RPL27A: variants seen among roughly 807,000 people sequenced by gnomAD.
The protein encoded by RPL27A is large ribosomal subunit protein uL15.
For missense variants in RPL27A, 118 were observed against 189.4 expected (o/e 0.62, Z 2.21); for synonymous variants, 69 against 68.3 (o/e 1.01, Z -0.05).
chr11:8,683,421 G>C, intron 2 of RPL27A, 156 bp downstream of exon 2: 1 of 641,532 alleles, frequency 1.6e-6, no homozygotes, highest in Non-Finnish European at 2.7e-6. Flanking sequence ...TAGTATTCCA[G>C]TTCTAAGGAA....
Position 8,685,486 on chromosome 11 carries a change from A to G in RPL27A, c.319-192A>G, listed in dbSNP as rs749802444. ...GACACAACTCTTGTCCTGGTGTGCT[A>G]GAGTACTCGAAGAGAATCTACTGGT... On this transcript the variant is annotated intron_variant, in intron 4 of 4. Coordinates refer to ENST00000314138, the MANE Select transcript of RPL27A (RefSeq NM_000990.5). The G allele has an allele frequency of 6.9e-6, 5 of 726,362 alleles. No individual in the cohort carries two copies. In the African/African-American group the frequency reaches 8.6e-5, roughly 13 times the overall value. 45.0% of individuals were successfully genotyped at this position (726,362 alleles called of 1,614,324 possible).
chr11:8,685,381 G>GGT, intron 4 of RPL27A: 1 of 591,398 alleles, frequency 1.7e-6, no homozygotes, highest in Admixed American at 1.9e-5. Context: ...TGGTCAGGAA[G>GGT]GTGGTTGTCT....
rs1592239492 is a variant in RPL27A, at chr11:8,689,201, C to A, written c.*3395C>A. ...GAAGCGGAGGAATGGCCAACCTCGC[C>A]GCACTTCGAGCCCCTTTAGGGTGCG... On this transcript the variant is annotated 3_prime_UTR_variant, in exon 5 of 5. Transcript: ENST00000314138. 4 of 152,260 alleles carry A rather than the reference C, an allele frequency of 2.6e-5. No homozygotes were observed. Among genetic ancestry groups the A allele is most frequent in the Admixed American group, 2.6e-4 (4 of 15,282 alleles). The allele number at this position is 152,260 out of a possible 1,614,324, so 9.4% of individuals were successfully genotyped here. A position where few individuals can be genotyped will look rare whatever the true frequency, so the allele number is the denominator to read the frequency against.
At chr11:8,685,288 A>G (rs2039575808) in intron 4 of RPL27A, 1 of 467,618 alleles carries the variant, frequency 2.1e-6, no homozygotes, top group Non-Finnish European at 4.1e-6. Context: ...TCATGAATAT[A>G]GAGGTAGTGT....
rs2039584125 is a variant in RPL27A, at chr11:8,686,010, T to G, written c.*204T>G. On this transcript the variant is annotated 3_prime_UTR_variant, in exon 5 of 5. Coordinates refer to ENST00000314138, the MANE Select transcript of RPL27A (RefSeq NM_000990.5). ...AACACAGACGTTGGCCAGTTAAACA[T>G]TTCTGTTTATAAAGTCAGAATAATA... 1 of 556,246 alleles carries G rather than the reference T, an allele frequency of 1.8e-6. No individual in the cohort carries two copies. The highest frequency in any genetic ancestry group is 1.9e-5 in the African/African-American group (1 of 53,136). The allele number at this position is 556,246 out of a possible 1,614,324, so 34.5% of individuals were successfully genotyped here.
intron 4 of RPL27A, chr11:8,685,243 T>C (rs187741373): frequency 4.2e-5 from 18 of 427,002 alleles, no homozygotes; most frequent in Non-Finnish European, 7.1e-5. Context: ...TGTCTGTCCT[T>C]GCGGGGGTTC....
rs1181422673 is a variant in RPL27A at position 8,689,172 on chromosome 11, C to T, written c.*3366C>T. On this transcript the variant is annotated 3_prime_UTR_variant, in exon 5 of 5. Coordinates refer to ENST00000314138, the MANE Select transcript of RPL27A (RefSeq NM_000990.5). ...TGGTCCTTGGGCGGCCGTGGGTCCC[C>T]TTCGAAGCGGAGGAATGGCCAACCT... is the stretch of plus-strand genomic sequence containing the variant. 6.6e-6 allele frequency: 1 copy of T among 152,292 alleles called. No individual in the cohort carries two copies. The highest frequency in any genetic ancestry group is 2.4e-5 in the African/African-American group (1 of 41,464). 9.4% of individuals were successfully genotyped at this position (152,292 alleles called of 1,614,324 possible).
rs1453800450 is a variant in RPL27A at position 8,684,063 on chromosome 11, G to A, written c.125G>A (p.Arg42Gln). 7 of 1,613,316 alleles carry A rather than the reference G, an allele frequency of 4.3e-6. No individual in the cohort carries two copies. The highest frequency in any genetic ancestry group is 5.9e-6 in the Non-Finnish European group (7 of 1,179,684). Reference sequence around the variant, plus strand: ...AATGCTGGTGGTCTGCATCACCACCGGATCAACTTCGACAAATAGTAAGTG... The same window carrying A: ...AATGCTGGTGGTCTGCATCACCACCAGATCAACTTCGACAAATAGTAAGTG... ...RGNAGGLHHH[R>Q]INFDKYHPGY... Residue 42 changes from arginine to glutamine, a missense_variant, in exon 3 of 5, where the codon CGG (arginine) becomes CAG (glutamine). Physicochemically the swap from Arg to Gln is conservative, Grantham distance 43 (BLOSUM62 1). Coordinates refer to ENST00000314138, the MANE Select transcript of RPL27A (RefSeq NM_000990.5).
At chr11:8,683,927 C>T (rs765909165) in intron 2 of RPL27A, 79 bp from the exon 3 acceptor site, 1 of 1,125,264 alleles carries the variant, frequency 8.9e-7, no homozygotes, top group East Asian at 2.3e-5. Context: ...GGTGATCTAC[C>T]CCCCCTCGTC....
chr11:8,684,800 G>C lies in RPL27A; in HGVS notation c.226G>C (p.Asp76His). Residue 76 changes from aspartate (D) to histidine (H), a missense_variant, in exon 4 of 5, where the codon GAC (aspartate) becomes CAC (histidine). Physicochemically the swap from Asp to His is moderately conservative, Grantham distance 81 (BLOSUM62 -1). Coordinates refer to ENST00000314138, the MANE Select transcript of RPL27A (RefSeq NM_000990.5). ...NQSFCPTVNL[D>H]KLWTLVSEQT... ...GAGCTTCTGCCCAACTGTCAACCTTGACAAATTGTGGACTTTGGTCAGTGA... is the reference window on the plus strand; with the variant it reads ...GAGCTTCTGCCCAACTGTCAACCTTCACAAATTGTGGACTTTGGTCAGTGA... The C allele has an allele frequency of 6.2e-7, 1 of 1,614,010 alleles. No individual in the cohort carries two copies. Among genetic ancestry groups the C allele is most frequent in the South Asian group, 1.1e-5 (1 of 91,078 alleles).
rs199996172 is a variant in RPL27A, at chr11:8,682,799, G to T, written c.-15G>T. Reference sequence around the variant, plus strand: ...GACTTGGCGAAGGCCTTCCTTTTTCGTCTGGGCTGCCAACATGGTAGGTGT... The same window carrying T: ...GACTTGGCGAAGGCCTTCCTTTTTCTTCTGGGCTGCCAACATGGTAGGTGT... On this transcript the variant is annotated 5_prime_UTR_variant, in exon 1 of 5. Transcript: ENST00000314138. 3.7e-4 allele frequency: 592 copies of T among 1,613,318 alleles called. 2 individuals are homozygous for T. The highest frequency in any genetic ancestry group is 3.5e-3 in the Middle Eastern group (21 of 6,052).
chr11:8,685,581 A>T, intron 4 of RPL27A, 97 bp from the exon 5 acceptor site: 1 of 1,348,884 alleles, frequency 7.4e-7, no homozygotes, highest in Non-Finnish European at 1.1e-6. Flanking sequence ...TACCCTGCCT[A>T]GGGATTTAGA....
At chr11:8,684,643 G>T (rs1412527790) in intron 3 of RPL27A, 75 bp from the exon 4 acceptor site, 5 of 1,251,334 alleles carry the variant, frequency 4.0e-6, no homozygotes, top group Non-Finnish European at 5.8e-6. Context: ...TCTAATAGGG[G>T]GTGGTAACTA....
At chr11:8,684,945 T>C (rs778764900) in intron 4 of RPL27A, 53 bp downstream of exon 4, 1 of 1,537,622 alleles carries the variant, frequency 6.5e-7, no homozygotes, top group South Asian at 1.1e-5. Context: ...TACAAAACTC[T>C]GGCTTAATCT....
At chr11:8,684,305 T>C (rs767604816) in intron 3 of RPL27A, 7 of 748,386 alleles carry the variant, frequency 9.4e-6, no homozygotes, top group Non-Finnish European at 1.5e-5. Flanking sequence ...GCTGACCTTA[T>C]TCACTGGCTG....
In RPL27A at chr11:8,688,091, G is replaced by A. The variant is rs541478304; in HGVS notation, c.*2285G>A. 1 of 152,392 alleles carries A rather than the reference G, an allele frequency of 6.6e-6. No homozygotes were observed. Among genetic ancestry groups the A allele is most frequent in the South Asian group, 2.1e-4 (1 of 4,832 alleles). The allele number at this position is 152,392 out of a possible 1,614,324, so 9.4% of individuals were successfully genotyped here. On this transcript the variant is annotated 3_prime_UTR_variant, in exon 5 of 5. Transcript: ENST00000314138. ...TTAGGCAAACGGGAAGTGCTATGGT[G>A]GAGAGAAAGATTACTCTGGCCGGGC... is the stretch of plus-strand genomic sequence containing the variant.
At chr11:8,684,679 A>G (rs761424255) in intron 3 of RPL27A, 39 bp from the exon 4 acceptor site, 17 of 1,575,142 alleles carry the variant, frequency 1.1e-5, no homozygotes, top group Non-Finnish European at 1.2e-5. Context: ...TAGCATCTTA[A>G]TTGGAGTGTG....
In RPL27A at chr11:8,685,780, G is replaced by T; in HGVS notation, c.421G>T (p.Gly141Trp). The T allele has an allele frequency of 6.2e-7, 1 of 1,613,602 alleles. No individual in the cohort carries two copies. The highest frequency in any genetic ancestry group is 8.5e-7 in the Non-Finnish European group (1 of 1,179,660). Residue 141 changes from glycine (G) to tryptophan (W), a missense_variant, in exon 5 of 5, where the codon GGG becomes TGG. Gly to Trp is a radical substitution (Grantham distance 184). Transcript: ENST00000314138. ...RRAEEKIKSV[G>W]GACVLVA ...AGCTGAGGAGAAGATTAAGAGTGTTGGGGGGGCCTGTGTCCTGGTGGCTTG... is the reference window on the plus strand; with the variant it reads ...AGCTGAGGAGAAGATTAAGAGTGTTTGGGGGGCCTGTGTCCTGGTGGCTTG...
In RPL27A at chr11:8,685,693, C is replaced by G. The variant is rs555137665; in HGVS notation, c.334C>G (p.Leu112Val). ...GTTCTTCTAGGGCTACTACAAAGTT[C>G]TGGGAAAGGGAAAGCTCCCAAAGCA... ...DVVRSGYYKV[L>V]GKGKLPKQPV... Residue 112 changes from leucine to valine, a missense_variant, in exon 5 of 5, where the codon CTG (leucine) becomes GTG (valine). By Grantham distance (32) the Leu-to-Val change is conservative (BLOSUM62 1). Coordinates refer to ENST00000314138, the MANE Select transcript of RPL27A (RefSeq NM_000990.5). The G allele has an allele frequency of 3.3e-5, 53 of 1,614,032 alleles. No homozygotes were observed. Among genetic ancestry groups the G allele is most frequent in the Non-Finnish European group, 4.1e-5 (48 of 1,180,004 alleles).
Sources: allele counts gnomAD v4.1 joint callset, GRCh38; gene constraint gnomAD v4.1.1; transcripts MANE v1.5; gene names NCBI Gene and HGNC (gene_info 2026-07-23, HGNC 2026-07-21).